Variants in ERC1 observed in about 807,000 individuals in gnomAD.
ERC1 encodes ELKS/RAB6-interacting/CAST family member 1, also known as RAB6 interacting protein 2.
A neutral mutation model predicts 132.0 loss-of-function variants in ERC1; 56 were observed. The ratio of observed to expected loss-of-function variants is 0.42; its 90% CI spans 0.34 to 0.53. ERC1 has a LOEUF of 0.53. Ranked by LOEUF, ERC1 falls within the 20% of genes least tolerant of loss-of-function variation. The pLI is 0.03. For synonymous variants in ERC1, 478 were observed against 476.1 expected (o/e 1.00, Z -0.05); for missense variants, 1,202 against 1,349.9 (o/e 0.89, Z 1.72).
At chr12:1,414,283 A>G (rs1421210052) in intron 17 of ERC1, among the ~76,000 whole-genome samples, 2 of 152,192 alleles carry the variant, frequency 1.3e-5, no homozygotes, top group Non-Finnish European at 2.9e-5. Flanking sequence ...CAGCGTGGTC[A>G]GATGTTTGGT....
At chr12:1,465,425 G>C (rs913541311) in intron 18 of ERC1, among the ~76,000 whole-genome samples, 1 of 152,220 alleles carries the variant, frequency 6.6e-6, no homozygotes, top group Admixed American at 6.5e-5. Context: ...ATTTCTTACA[G>C]AGTGTCTACA....
chr12:1,276,739 G>A (rs1245128843), intron 14 of ERC1, among the ~76,000 whole-genome samples: 1 of 152,074 alleles, frequency 6.6e-6, no homozygotes, highest in African/African-American at 2.4e-5. Flanking sequence ...GGTACACAAT[G>A]GCATTCAATG....
chr12:1,176,879 C>T (rs1479746826), intron 8 of ERC1, among the ~76,000 whole-genome samples: 1 of 152,196 alleles, frequency 6.6e-6, no homozygotes, highest in Non-Finnish European at 1.5e-5. Context: ...GCAAAACTGC[C>T]ATTACTTTTG....
chr12:1,307,674 G>A (rs1210972067), intron 15 of ERC1, among the ~76,000 whole-genome samples: 1 of 152,146 alleles, frequency 6.6e-6, no homozygotes, highest in East Asian at 1.9e-4. Context: ...TAGGTAAGTT[G>A]ATGATTCCTT....
At chr12:1,397,643 A>G (rs1462401269) in intron 16 of ERC1, among the ~76,000 whole-genome samples, 1 of 152,220 alleles carries the variant, frequency 6.6e-6, no homozygotes, top group East Asian at 1.9e-4. Flanking sequence ...AATTGCAAGA[A>G]GAAACAATTG....
At chr12:1,305,088 G>T (rs913690528) in intron 15 of ERC1, among the ~76,000 whole-genome samples, 1 of 152,056 alleles carries the variant, frequency 6.6e-6, no homozygotes, top group African/African-American at 2.4e-5. Flanking sequence ...CCTGTTTGTT[G>T]TAACTCTTAA....
intron 2 of ERC1, among the ~76,000 whole-genome samples, chr12:1,051,278 G>T (rs1971914174): frequency 6.6e-6 from 1 of 152,116 alleles, no homozygotes; most frequent in Non-Finnish European, 1.5e-5. Context: ...CTCTCCTAAG[G>T]TAATCGTAAT....
intron 1 of ERC1, among the ~76,000 whole-genome samples, chr12:1,010,755 C>T (rs997943826): frequency 1.1e-4 from 16 of 151,932 alleles, no homozygotes; most frequent in East Asian, 2.0e-4. Flanking sequence ...TCAGGTGATC[C>T]GTCCTTCTTG....
rs111325551 is a variant in ERC1, at chr12:1,113,509, G to C, written c.1401+1211G>C. ...ATTTGTCAAAGTGTCAGCAAAAACT[G>C]CTTCTGAAAATAATTGTGGCTAAGA... On this transcript the variant is annotated intron_variant, in intron 6 of 18. Transcript: ENST00000360905. Among the ~76,000 whole-genome samples, 581 of 152,274 alleles carry C rather than the reference G, an allele frequency of 3.8e-3. 7 individuals carry two copies. The highest frequency in any genetic ancestry group is 0.011 in the African/African-American group (444 of 41,552).
intron 12 of ERC1, among the ~76,000 whole-genome samples, chr12:1,206,482 C>T (rs1049885973): frequency 1.3e-5 from 2 of 152,056 alleles, no homozygotes; most frequent in Admixed American, 1.3e-4. Context: ...TCTCCCTTGT[C>T]TTCTTCCCCT....
chr12:1,341,480 C>CCA (rs1250140188), intron 15 of ERC1, among the ~76,000 whole-genome samples: 1 of 151,986 alleles, frequency 6.6e-6, no homozygotes, highest in Non-Finnish European at 1.5e-5. Flanking sequence ...TACTATGCAG[C>CCA]CATAAAAAAG....
chr12:1,196,848 G>GTC (rs1333530992), intron 12 of ERC1, among the ~76,000 whole-genome samples: 1 of 56,326 alleles, frequency 1.8e-5, no homozygotes, highest in Non-Finnish European at 4.3e-5. Context: ...CTCTCTGTCT[G>GTC]TCTCTCTCTC....
intron 3 of ERC1, among the ~76,000 whole-genome samples, chr12:1,093,814 T>G (rs1424454646): frequency 1.3e-5 from 2 of 150,666 alleles, no homozygotes; most frequent in African/African-American, 4.9e-5. Flanking sequence ...TTTGTCAGTA[T>G]TACTGGCAGA....
At chr12:1,167,266 A>G (rs1210853761) in intron 8 of ERC1, among the ~76,000 whole-genome samples, 3 of 152,230 alleles carry the variant, frequency 2.0e-5, no homozygotes, top group Non-Finnish European at 1.5e-5. Context: ...TTTAGGGAAA[A>G]GTGCCTGGTC....
intron 17 of ERC1, chr12:1,444,053 C>A (rs923459983): frequency 6.5e-6 from 1 of 152,762 alleles, no homozygotes; most frequent in Non-Finnish European, 1.5e-5. Flanking sequence ...CTCATCACAT[C>A]TCTTGGCCAA....
At chr12:1,101,254 T>TC (rs1944625081) in intron 3 of ERC1, among the ~76,000 whole-genome samples, 1 of 152,194 alleles carries the variant, frequency 6.6e-6, no homozygotes, top group African/African-American at 2.4e-5. Context: ...AATACATAGG[T>TC]CCCAGAGCCT....
intron 3 of ERC1, among the ~76,000 whole-genome samples, chr12:1,101,601 A>G (rs905501650): frequency 6.6e-5 from 10 of 152,234 alleles, no homozygotes; most frequent in Admixed American, 6.5e-4. Flanking sequence ...TTTAATCACA[A>G]GAAAGGCTGG....
intron 7 of ERC1, among the ~76,000 whole-genome samples, chr12:1,122,517 GTCTCTA>G (rs542557854): frequency 6.1e-3 from 28 of 4,592 alleles, no homozygotes; most frequent in South Asian, 0.036. Flanking sequence ...CTCTATCTGT[GTCTCTA>G]TCTCTATCTC....
intron 8 of ERC1, among the ~76,000 whole-genome samples, chr12:1,160,459 G>T (rs1317483533): frequency 1.3e-5 from 2 of 152,124 alleles, no homozygotes; most frequent in Non-Finnish European, 2.9e-5. Flanking sequence ...ATCAAGGTGA[G>T]CATGGTGGCT....
Sources: allele counts gnomAD v4.1 joint callset (sites outside exome capture counted in the v4.1 genomes callset), GRCh38; gene constraint gnomAD v4.1.1; transcripts MANE v1.5; gene names NCBI Gene and HGNC (gene_info 2026-07-23, HGNC 2026-07-21).